DIP2A: variants seen among roughly 807,000 people sequenced by gnomAD.
The protein encoded by DIP2A is DIP2 acetate--CoA ligase A.
A neutral mutation model predicts 177.4 loss-of-function variants in DIP2A; 85 were observed. The ratio of observed to expected loss-of-function variants is 0.48; its 90% CI spans 0.40 to 0.57. The LOEUF (loss-of-function observed/expected upper bound fraction) is 0.57, where lower values mean the gene tolerates loss of function less well. Ranked by LOEUF, DIP2A falls within the 20% of genes least tolerant of loss-of-function variation. The pLI is 0.00. For missense variants in DIP2A, 1,791 were observed against 2,100.2 expected (o/e 0.85, Z 2.88); for synonymous variants, 886 against 881.8 (o/e 1.00, Z -0.08).
At chr21:46,508,503 C>T (rs1437549460) in intron 6 of DIP2A, among the ~76,000 whole-genome samples, 15 of 151,234 alleles carry the variant, frequency 9.9e-5, no homozygotes, top group African/African-American at 2.7e-4. Context: ...GGACTACAGG[C>T]GCCCGCCACC....
chr21:46,459,282 C>T, intron 1 of DIP2A, 60 bp downstream of exon 1: 1 of 1,404,908 alleles, frequency 7.1e-7, no homozygotes, highest in East Asian at 3.0e-5. Flanking sequence ...CCCCGCGCAG[C>T]CCCTCACTCC....
At chr21:46,495,513 T>C (rs1461669390) in intron 3 of DIP2A, among the ~76,000 whole-genome samples, 1 of 151,842 alleles carries the variant, frequency 6.6e-6, no homozygotes, top group Non-Finnish European at 1.5e-5. Context: ...GGGGATCCGC[T>C]CACCTCGGCC....
At chr21:46,496,683 A>T (rs966708210) in intron 3 of DIP2A, among the ~76,000 whole-genome samples, 1 of 152,228 alleles carries the variant, frequency 6.6e-6, no homozygotes, top group Non-Finnish European at 1.5e-5. Flanking sequence ...CGGGTTGAAC[A>T]AGCATGGTTT....
At chr21:46,476,195 A>G (rs747561755) in intron 1 of DIP2A, among the ~76,000 whole-genome samples, 3 of 151,894 alleles carry the variant, frequency 2.0e-5, no homozygotes, top group Non-Finnish European at 2.9e-5. Context: ...GTGAGCTGAG[A>G]TCACACCACT....
rs181797064 is a variant in DIP2A at position 46,485,811 on chromosome 21, G to A, written c.163+983G>A. Among the ~76,000 whole-genome samples the A allele has an allele frequency of 1.0e-3, 157 of 152,146 alleles. 2 individuals carry two copies. The highest frequency in any genetic ancestry group is 3.5e-3 in the African/African-American group (147 of 41,534). On this transcript the variant is annotated intron_variant, in intron 2 of 37. Coordinates refer to ENST00000417564, the MANE Select transcript of DIP2A (RefSeq NM_015151.4). ...CCAGAGGCCAGGCGCGGTGGCTCAC[G>A]CCTGTAATCCCAGCACTTTGGGAGG...
chr21:46,567,926 T>A lies in DIP2A; in HGVS notation c.*304T>A. 1 of 318,848 alleles carries A rather than the reference T, an allele frequency of 3.1e-6. No homozygotes were observed. Among genetic ancestry groups the A allele is most frequent in the Non-Finnish European group, 5.7e-6 (1 of 175,024 alleles). The allele number at this position is 318,848 out of a possible 1,614,324, so 19.8% of individuals were successfully genotyped here. ...GAGGAATCACAGGCACCGAGGTTGT[T>A]CTCTGCTGTACTGCAAGTTTGCACT... On this transcript the variant is annotated 3_prime_UTR_variant, in exon 38 of 38. Coordinates refer to ENST00000417564, the MANE Select transcript of DIP2A (RefSeq NM_015151.4).
chr21:46,526,045 A>C (rs935200405), intron 8 of DIP2A, among the ~76,000 whole-genome samples: 1 of 151,664 alleles, frequency 6.6e-6, no homozygotes, highest in Non-Finnish European at 1.5e-5. Context: ...AGTAGCTGGG[A>C]TTACAGGCGC....
At chr21:46,484,519 C>G (rs1043407581) in intron 1 of DIP2A, among the ~76,000 whole-genome samples, 15 of 152,290 alleles carry the variant, frequency 9.8e-5, no homozygotes, top group Admixed American at 5.2e-4. Context: ...TTGAGTCTGG[C>G]TTCTTTCACT....
chr21:46,547,148 C>T lies in DIP2A; in HGVS notation c.2522+106C>T, dbSNP rs578100134. 1,846 of 1,487,508 alleles carry T rather than the reference C, an allele frequency of 1.2e-3. 8 individuals are homozygous for T. The highest frequency in any genetic ancestry group is 0.011 in the Middle Eastern group (62 of 5,648). 92.1% of individuals were successfully genotyped at this position (1,487,508 alleles called of 1,614,324 possible). A position where few individuals can be genotyped will look rare whatever the true frequency, so the allele number is the denominator to read the frequency against. ...CCCAGCAAACTTGAATTCACAAAGCCTAAAAATTGTTGTACATCAGAAAAC... is the reference window on the plus strand; with the variant it reads ...CCCAGCAAACTTGAATTCACAAAGCTTAAAAATTGTTGTACATCAGAAAAC... On this transcript the variant is annotated intron_variant, in intron 21 of 37. Transcript: ENST00000417564.
rs2054029625 is a variant in DIP2A at position 46,459,048 on chromosome 21, G to A, written c.-84G>A. On this transcript the variant is annotated 5_prime_UTR_variant, in exon 1 of 38. Coordinates refer to ENST00000417564, the MANE Select transcript of DIP2A (RefSeq NM_015151.4). ...GGCGGATGTAGGTTGTTGGCCTGAG[G>A]GGAGCTACGTAGCCGAGGTTTGCGC... The A allele has an allele frequency of 2.6e-6, 3 of 1,164,550 alleles. No homozygotes were observed. Among genetic ancestry groups the A allele is most frequent in the East Asian group, 6.3e-5 (2 of 31,542 alleles). The allele number at this position is 1,164,550 out of a possible 1,614,324, so 72.1% of individuals were successfully genotyped here. A position where few individuals can be genotyped will look rare whatever the true frequency, so the allele number is the denominator to read the frequency against.
At chr21:46,581,267 T>G in the DIP2A span, among the ~76,000 whole-genome samples, 2 of 152,252 alleles carry the variant, frequency 1.3e-5, no homozygotes, top group African/African-American at 4.8e-5. Context: ...CATTGTGAAG[T>G]TCTCAAGTTG....
chr21:46,558,986 A>G (rs2060570116), intron 32 of DIP2A: 1 of 153,358 alleles, frequency 6.5e-6, no homozygotes, highest in African/African-American at 2.4e-5. Context: ...TGTCCCGGCT[A>G]CTTGGGAGGT....
intron 18 of DIP2A, among the ~76,000 whole-genome samples, chr21:46,543,025 T>C (rs1049892317): frequency 2.0e-5 from 3 of 152,242 alleles, no homozygotes; most frequent in Non-Finnish European, 4.4e-5. Flanking sequence ...TGGGTCCTCA[T>C]TGAATAAGAC....
chr21:46,556,158 C>CA lies in DIP2A; in HGVS notation c.3498+68dup. Reference sequence around the variant, plus strand: ...CAGGAGGAGTGGACAGAAAGGATGTCAGATGCAGATTTAAACTGACAGGTC... The same window carrying CA: ...CAGGAGGAGTGGACAGAAAGGATGTCAAGATGCAGATTTAAACTGACAGGTC... On this transcript the variant is annotated intron_variant, in intron 29 of 37. Coordinates refer to ENST00000417564, the MANE Select transcript of DIP2A (RefSeq NM_015151.4). The surrounding 1 kb of genome is among the most constrained non-coding windows in gnomAD (Gnocchi z 4.5). 1 of 1,476,634 alleles carries CA rather than the reference C, an allele frequency of 6.8e-7. No homozygotes were observed. The highest frequency in any genetic ancestry group is 1.7e-5 in the Admixed American group (1 of 58,726). 91.5% of individuals were successfully genotyped at this position (1,476,634 alleles called of 1,614,324 possible).
intron 1 of DIP2A, among the ~76,000 whole-genome samples, chr21:46,461,893 C>A (rs2054345916): frequency 8.2e-6 from 1 of 122,132 alleles, no homozygotes; most frequent in African/African-American, 3.2e-5. Flanking sequence ...GACCCTGCCT[C>A]TTCCAAAAAA....
downstream of DIP2A, among the ~76,000 whole-genome samples, chr21:46,570,373 C>CT (rs1167698229): frequency 1.3e-5 from 2 of 152,196 alleles, no homozygotes; most frequent in African/African-American, 4.8e-5. Context: ...AGTGTTGTGT[C>CT]TGGTCATGTT....
intron 1 of DIP2A, among the ~76,000 whole-genome samples, chr21:46,473,544 C>T (rs1019869015): frequency 1.3e-5 from 2 of 151,812 alleles, no homozygotes; most frequent in Non-Finnish European, 2.9e-5. Context: ...GAGACAGAGT[C>T]TTGCTCTGTT....
At chr21:46,583,477 A>T in the DIP2A span, among the ~76,000 whole-genome samples, 6 of 152,344 alleles carry the variant, frequency 3.9e-5, no homozygotes, top group South Asian at 1.2e-3. Flanking sequence ...AACCTCTCTA[A>T]ATTTAAAAGG....
At position 46,557,405 on chromosome 21, in the gene DIP2A, C is replaced by T; in HGVS notation, c.3630-180C>T. The stretch of plus-strand genomic sequence containing the variant: ...TCGGAGCAGAGCTCAGAACCCCGTG[C>T]CTGCCATCCCCCAACCTTCACCCTG... On this transcript the variant is annotated intron_variant, in intron 30 of 37. Transcript: ENST00000417564. This position sits in a 1 kb window ranked among gnomAD's most constrained non-coding sequence, Gnocchi z 6.0. 1.3e-6 allele frequency: 1 copy of T among 778,824 alleles called. No individual in the cohort carries two copies. The highest frequency in any genetic ancestry group is 2.0e-6 in the Non-Finnish European group (1 of 501,152). The allele number at this position is 778,824 out of a possible 1,614,324, so 48.2% of individuals were successfully genotyped here. A position where few individuals can be genotyped will look rare whatever the true frequency, so the allele number is the denominator to read the frequency against.
Sources: gnomAD v4.1 joint callset for allele counts (sites outside exome capture counted in the v4.1 genomes callset) on GRCh38, gnomAD v4.1.1 for gene constraint, Gnocchi (gnomAD v3.1) non-coding constraint, MANE v1.5 for transcripts, NCBI Gene and HGNC (gene_info 2026-07-23, HGNC 2026-07-21) for gene names.